FBLN5: variants seen among roughly 807,000 people sequenced by gnomAD.
FBLN5 encodes the protein fibulin 5.
In FBLN5, 24 loss-of-function variants were observed where a neutral mutation model predicts 61.6. The ratio of observed to expected loss-of-function variants is 0.39; its 90% CI spans 0.28 to 0.55. The LOEUF (loss-of-function observed/expected upper bound fraction) is 0.55, where lower values mean the gene tolerates loss of function less well. Among genes scored for constraint, FBLN5 ranks in the 20% least tolerant of loss-of-function variants. The pLI, the probability that FBLN5 is intolerant of heterozygous loss-of-function variation, is 0.65. For missense variants in FBLN5, 470 were observed against 594.1 expected (o/e 0.79, Z 2.17); for synonymous variants, 213 against 219.8 (o/e 0.97, Z 0.27).
chr14:91,881,437 A>G lies in FBLN5; in HGVS notation c.863-19T>C. On this transcript the variant is annotated intron_variant, in intron 8 of 10. Coordinates refer to ENST00000342058, the MANE Select transcript of FBLN5 (RefSeq NM_006329.4). ...TTGATGTCTGAAATGCAGGGGAGAC[A>G]AGAAGCGGAGGCAGGGCATTATTGG... is the stretch of plus-strand genomic sequence containing the variant. 6.2e-7 allele frequency: 1 copy of G among 1,614,042 alleles called. No homozygotes were observed. Among genetic ancestry groups the G allele is most frequent in the Non-Finnish European group, 8.5e-7 (1 of 1,179,976 alleles).
At chr14:91,912,448 C>T (rs1437396763) in intron 4 of FBLN5, among the ~76,000 whole-genome samples, 1 of 152,164 alleles carries the variant, frequency 6.6e-6, no homozygotes, top group Admixed American at 6.5e-5. Context: ...AGTTCAAGAC[C>T]AGCCTGGCCA....
rs2056133336 is a variant in FBLN5 at position 91,943,147 on chromosome 14, T to C, written c.18-186A>G. ...CACCCAAGCAGAACCACACCTCTTC[T>C]ACTTGCCTCCTGCATTGGGATCATG... On this transcript the variant is annotated intron_variant, in intron 1 of 10. Transcript: ENST00000342058. This position sits in a 1 kb window ranked among gnomAD's most constrained non-coding sequence, Gnocchi z 4.0. Among the ~76,000 whole-genome samples, 2 of 152,094 alleles carry C rather than the reference T, an allele frequency of 1.3e-5. No individual in the cohort carries two copies. Among genetic ancestry groups the C allele is most frequent in the Admixed American group, 1.3e-4 (2 of 15,270 alleles).
intron 1 of FBLN5, among the ~76,000 whole-genome samples, chr14:91,944,690 C>G (rs925756871): frequency 6.6e-6 from 1 of 152,104 alleles, no homozygotes; most frequent in Admixed American, 6.5e-5. Context: ...GTGAAAAAAG[C>G]CACTCACAAA....
chr14:91,876,198 C>G (rs952643246), intron 10 of FBLN5, among the ~76,000 whole-genome samples: 1 of 152,188 alleles, frequency 6.6e-6, no homozygotes, highest in Non-Finnish European at 1.5e-5. Flanking sequence ...GGGAGGGTCC[C>G]GCAGCTTCAG....
chr14:91,901,159 A>T (rs1890433357), intron 4 of FBLN5, among the ~76,000 whole-genome samples: 2 of 152,240 alleles, frequency 1.3e-5, no homozygotes, highest in Admixed American at 1.3e-4. Context: ...ATGGCCATGT[A>T]TGATCAACCT....
intron 4 of FBLN5, among the ~76,000 whole-genome samples, chr14:91,936,231 T>TA (rs1419449064): frequency 1.3e-5 from 2 of 152,152 alleles, no homozygotes; most frequent in Non-Finnish European, 2.9e-5. Context: ...AAAAAAGTAA[T>TA]AAAACTTCAA....
chr14:91,906,123 G>A (rs1405910572), intron 4 of FBLN5, among the ~76,000 whole-genome samples: 1 of 152,174 alleles, frequency 6.6e-6, no homozygotes, highest in Non-Finnish European at 1.5e-5. Context: ...CCAACCTCAG[G>A]TGATCTGCCT....
At chr14:91,878,315 A>G (rs1211820900) in intron 9 of FBLN5, among the ~76,000 whole-genome samples, 1 of 152,256 alleles carries the variant, frequency 6.6e-6, no homozygotes, top group Non-Finnish European at 1.5e-5. Flanking sequence ...AATAAACCAC[A>G]GACACAAATA....
At chr14:91,874,953 G>A (rs1889099510) in intron 10 of FBLN5, 2 of 152,134 alleles carry the variant, frequency 1.3e-5, no homozygotes, top group African/African-American at 2.4e-5. Context: ...TCAGCCTCCA[G>A]AGTGGCTGTG....
At chr14:91,888,608 C>CA (rs34117518) in intron 6 of FBLN5, among the ~76,000 whole-genome samples, 20,861 of 113,508 alleles carry the variant, frequency 0.18, 1,717 homozygotes, top group Middle Eastern at 0.22. Context: ...GACTCTGTCT[C>CA]AAAAAAAAAA....
intron 2 of FBLN5, among the ~76,000 whole-genome samples, 154 bp from the exon 3 acceptor site, chr14:91,940,770 T>G (rs537901954): frequency 1.8e-4 from 28 of 152,136 alleles, no homozygotes; most frequent in Admixed American, 3.3e-4. Flanking sequence ...CTTCTAAAAT[T>G]TTTCCTTGTA....
chr14:91,947,454 C>A lies in FBLN5; in HGVS notation c.-225G>T. On this transcript the variant is annotated 5_prime_UTR_variant, in exon 1 of 11. The change abolishes the stop of an existing upstream ORF in the 5' untranslated region. Transcript: ENST00000342058. This position sits in a 1 kb window ranked among gnomAD's most constrained non-coding sequence, Gnocchi z 4.3. ...GCACCTGGTTTTGCTTAGCCCTCTT[C>A]AGTAATTCAGCATTAAACCAATTGG... 1 of 622,366 alleles carries A rather than the reference C, an allele frequency of 1.6e-6. No individual in the cohort carries two copies. Among genetic ancestry groups the A allele is most frequent in the South Asian group, 1.9e-5 (1 of 52,652 alleles). 38.6% of individuals were successfully genotyped at this position (622,366 alleles called of 1,614,324 possible).
intron 4 of FBLN5, among the ~76,000 whole-genome samples, chr14:91,924,825 T>G (rs2055800064): frequency 6.6e-6 from 1 of 152,152 alleles, no homozygotes; most frequent in African/African-American, 2.4e-5. Flanking sequence ...GAGCTCTCAG[T>G]TGCCCCAGGA....
At chr14:91,937,362 G>C (rs552788307) in intron 3 of FBLN5, among the ~76,000 whole-genome samples, 161 bp from the exon 4 acceptor site, 7 of 152,096 alleles carry the variant, frequency 4.6e-5, no homozygotes, top group Admixed American at 2.6e-4. Context: ...TGGCTGAAGT[G>C]TATCAAAGTA....
intron 4 of FBLN5, among the ~76,000 whole-genome samples, chr14:91,916,129 C>T (rs921129320): frequency 6.6e-6 from 1 of 152,048 alleles, no homozygotes; most frequent in African/African-American, 2.4e-5. Flanking sequence ...TTCCTAAGGG[C>T]AGGATAACAA....
intron 4 of FBLN5, among the ~76,000 whole-genome samples, chr14:91,925,688 A>G (rs1329970865): frequency 6.6e-6 from 1 of 152,200 alleles, no homozygotes. Context: ...GGGACAGTGG[A>G]CGTGGGTTTC....
intron 8 of FBLN5, 25 bp from the exon 9 acceptor site, chr14:91,881,443 C>T (rs753626054): frequency 4.2e-5 from 67 of 1,613,658 alleles, no homozygotes; most frequent in East Asian, 2.9e-4. Flanking sequence ...AGACAAGAAG[C>T]GGAGGCAGGG....
intron 4 of FBLN5, among the ~76,000 whole-genome samples, chr14:91,929,101 A>T (rs1201925535): frequency 6.6e-6 from 1 of 151,070 alleles, no homozygotes; most frequent in Admixed American, 6.6e-5. Context: ...ACACACACAC[A>T]CACACACACA....
chr14:91,896,618 A>G (rs1890237574), intron 4 of FBLN5, among the ~76,000 whole-genome samples: 1 of 152,168 alleles, frequency 6.6e-6, no homozygotes, highest in Non-Finnish European at 1.5e-5. Context: ...GCTAGTAAGC[A>G]CCAAGCCAAG....
Sources: gnomAD v4.1 joint callset for allele counts (sites outside exome capture counted in the v4.1 genomes callset) on GRCh38, gnomAD v4.1.1 for gene constraint, Gnocchi (gnomAD v3.1) non-coding constraint, MANE v1.5 for transcripts, NCBI Gene and HGNC (gene_info 2026-07-23, HGNC 2026-07-21) for gene names.